SURF1: variants seen among roughly 807,000 people sequenced by gnomAD.
SURF1 encodes SURF1 cytochrome c oxidase assembly factor.
SURF1 carries 45 observed loss-of-function variants against 34.1 expected under a neutral mutation model. The ratio of observed to expected loss-of-function variants is 1.32; its 90% CI spans 1.04 to 1.69. The LOEUF is 1.69. Ranked by LOEUF, SURF1 falls within the 40% of genes most tolerant of loss-of-function variation. The pLI is 0.00. For synonymous variants in SURF1, 188 were observed against 147.5 expected (o/e 1.27, Z -1.99); for missense variants, 456 against 384.6 (o/e 1.19, Z -1.55).
chr9:133,352,279 T>A (rs1836440832), intron 7 of SURF1, 137 bp from the exon 8 acceptor site: 1 of 1,377,898 alleles, frequency 7.3e-7, no homozygotes, highest in Admixed American at 1.9e-5. Context: ...CCCGCCCTTG[T>A]CCGCTCAGTA....
intron 4 of SURF1, 35 bp downstream of exon 4, chr9:133,354,620 CAAGT>C (rs2130017442): frequency 6.2e-7 from 1 of 1,610,488 alleles, no homozygotes; most frequent in South Asian, 1.1e-5. Flanking sequence ...CTGTTGAACT[CAAGT>C]AAAACAGGCC....
intron 2 of SURF1, among the ~76,000 whole-genome samples, chr9:133,355,565 C>T (rs1836553032): frequency 6.6e-6 from 1 of 152,008 alleles, no homozygotes; most frequent in Admixed American, 6.6e-5. Flanking sequence ...GCAACAAGAG[C>T]GAAACTGTCT....
intron 4 of SURF1, chr9:133,354,337 C>T (rs1056956485): frequency 2.2e-5 from 11 of 496,396 alleles, no homozygotes; most frequent in East Asian, 1.9e-4. Flanking sequence ...ACCACCCTCA[C>T]GGTGAGACCT....
chr9:133,356,127 C>A, intron 2 of SURF1, 142 bp downstream of exon 2: 1 of 1,118,394 alleles, frequency 8.9e-7, no homozygotes, highest in South Asian at 1.3e-5. Context: ...CATTTTAATA[C>A]GGAACTTGTC....
At chr9:133,352,356 G>A (rs2130006287) in intron 7 of SURF1, 90 bp downstream of exon 7, 8 of 1,598,358 alleles carry the variant, frequency 5.0e-6, no homozygotes, top group Admixed American at 3.3e-5. Flanking sequence ...GAGAACATAA[G>A]CCACAGTAGT....
intron 2 of SURF1, 193 bp downstream of exon 2, chr9:133,356,076 C>A: frequency 1.3e-6 from 1 of 757,912 alleles, no homozygotes; most frequent in East Asian, 3.0e-5. Flanking sequence ...GGACAAAGCG[C>A]TCGCTACATG....
Position 133,351,995 on chromosome 9 carries a change from A to G in SURF1, c.834-13T>C, listed in dbSNP as rs139870012. The G allele has an allele frequency of 5.5e-4, 880 of 1,613,704 alleles. 5 individuals are homozygous for G. The African/African-American group carries it at 0.011, about 20-fold the overall frequency. ...AGAGAGTCCATACCTAGGGGTTGAA[A>G]GCAAGCCAGCATTAGCAGGCTGCTA... is the stretch of plus-strand genomic sequence containing the variant. On this transcript the variant is annotated splice_polypyrimidine_tract_variant and intron_variant, in intron 8 of 8. Coordinates refer to ENST00000371974, the MANE Select transcript of SURF1 (RefSeq NM_003172.4).
chr9:133,354,579 G>A (rs1364468442), intron 4 of SURF1, 80 bp downstream of exon 4: 1 of 1,552,838 alleles, frequency 6.4e-7, no homozygotes, highest in Non-Finnish European at 8.9e-7. Context: ...CACCAAAAGG[G>A]GCAAGCTGGC....
In SURF1 at chr9:133,356,250, C is replaced by G. The variant is rs2130024709; in HGVS notation, c.106+19G>C. 6.5e-7 allele frequency: 1 copy of G among 1,533,716 alleles called. No homozygotes were observed. Among genetic ancestry groups the G allele is most frequent in the Non-Finnish European group, 8.7e-7 (1 of 1,146,224 alleles). ...CTCTGCCCAGGCGCCTGGATCACAGCCCGGCCTGCAGCCCTCACCTGGGCG... is the reference window on the plus strand; with the variant it reads ...CTCTGCCCAGGCGCCTGGATCACAGGCCGGCCTGCAGCCCTCACCTGGGCG... On this transcript the variant is annotated intron_variant, in intron 2 of 8. Coordinates refer to ENST00000371974, the MANE Select transcript of SURF1 (RefSeq NM_003172.4).
At chr9:133,356,227 C>T in intron 2 of SURF1, 42 bp downstream of exon 2, 2 of 1,533,496 alleles carry the variant, frequency 1.3e-6, no homozygotes, top group Middle Eastern at 4.6e-4. Context: ...GCAGGTGGCT[C>T]TGCCCAGGCG....
Position 133,356,129 on chromosome 9 carries a change from G to C in SURF1, c.106+140C>G, listed in dbSNP as rs1232192843. On this transcript the variant is annotated intron_variant, in intron 2 of 8. Transcript: ENST00000371974. ...ATTCCACTGAAAGCATTTTAATACG[G>C]AACTTGTCACTCCCAGGGAGCCTCC... 4 of 1,136,440 alleles carry C rather than the reference G, an allele frequency of 3.5e-6. No individual in the cohort carries two copies. In the African/African-American group the frequency reaches 6.2e-5, roughly 18 times the overall value. The allele number at this position is 1,136,440 out of a possible 1,614,324, so 70.4% of individuals were successfully genotyped here.
At chr9:133,352,262 G>T in intron 7 of SURF1, 120 bp from the exon 8 acceptor site, 1 of 1,363,490 alleles carries the variant, frequency 7.3e-7, no homozygotes, top group South Asian at 1.2e-5. Context: ...TACGTTGGGT[G>T]ACCATCCCCG....
Position 133,353,870 on chromosome 9 carries a change from G to A in SURF1, c.394C>T (p.Leu132=). The change falls in exon 5 of 9, where the codon CTG becomes TTG. Residue 132 remains leucine (L), a synonymous_variant. Coordinates refer to ENST00000371974, the MANE Select transcript of SURF1 (RefSeq NM_003172.4). The part of the protein sequence containing the change: ...VRGCFDHSKE[L]YMMPRTMVDP... ...ACCATGGTCCGGGGCATCATATACA[G>A]CTCCTTGGAATGGTCAAAGCACCCC... 6.2e-7 allele frequency: 1 copy of A among 1,613,892 alleles called. No homozygotes were observed. Among genetic ancestry groups the A allele is most frequent in the South Asian group, 1.1e-5 (1 of 91,082 alleles).
At position 133,352,724 on chromosome 9, in the gene SURF1, T is replaced by C; in HGVS notation, c.558A>G (p.Lys186=). 6.2e-7 allele frequency: 1 copy of C among 1,613,270 alleles called. No individual in the cohort carries two copies. Among genetic ancestry groups the C allele is most frequent in the Non-Finnish European group, 8.5e-7 (1 of 1,179,808 alleles). The change falls in exon 6 of 9, where the codon AAA becomes AAG. Residue 186 remains lysine (K), a synonymous_variant. Transcript: ENST00000371974. The part of the protein sequence containing the change: ...LVNRGFVPRK[K]VNPETRQKGQ... ...CTTTCTGCCGGGTTTCAGGATTCACTTTCTTCCTGGGAACGAACCCTCTAT... is the reference window on the plus strand; with the variant it reads ...CTTTCTGCCGGGTTTCAGGATTCACCTTCTTCCTGGGAACGAACCCTCTAT...
Position 133,351,824 on chromosome 9 carries a change from A to G in SURF1, c.*89T>C, listed in dbSNP as rs887561610. On this transcript the variant is annotated 3_prime_UTR_variant, in exon 9 of 9. Coordinates refer to ENST00000371974, the MANE Select transcript of SURF1 (RefSeq NM_003172.4). Reference sequence around the variant, plus strand: ...ATGAGCTCATTTAAGGTAGAAGGCCAGAACTTTATACCAGTAGCACATGAT... The same window carrying G: ...ATGAGCTCATTTAAGGTAGAAGGCCGGAACTTTATACCAGTAGCACATGAT... 3 of 1,425,376 alleles carry G rather than the reference A, an allele frequency of 2.1e-6. No individual in the cohort carries two copies. Among genetic ancestry groups the G allele is most frequent in the Non-Finnish European group, 2.9e-6 (3 of 1,028,468 alleles). The allele number at this position is 1,425,376 out of a possible 1,614,324, so 88.3% of individuals were successfully genotyped here.
intron 2 of SURF1, 58 bp from the exon 3 acceptor site, chr9:133,355,015 C>G: frequency 1.2e-6 from 2 of 1,605,300 alleles, no homozygotes; most frequent in South Asian, 2.2e-5. Context: ...AGACCTGGAG[C>G]AGCCCGTTCC....
intron 4 of SURF1, 90 bp downstream of exon 4, chr9:133,354,569 C>G (rs1836516144): frequency 6.0e-6 from 9 of 1,507,474 alleles, no homozygotes. Context: ...CTAAAAGTCC[C>G]ACCAAAAGGG....
chr9:133,355,374 T>C (rs1302238957), intron 2 of SURF1, among the ~76,000 whole-genome samples: 1 of 150,840 alleles, frequency 6.6e-6, no homozygotes, highest in East Asian at 1.9e-4. Flanking sequence ...AGATCAGGAG[T>C]TCGAGACCAG....
In SURF1 at chr9:133,352,611, A is replaced by G. The variant is rs2130008442; in HGVS notation, c.589-3T>C. On this transcript the variant is annotated splice_polypyrimidine_tract_variant and splice_region_variant and intron_variant, in intron 6 of 8. Transcript: ENST00000371974. ...ATGAGGTCCACTTCTCCCTCAATCT[A>G]TAAAGGAAGGTGTGTGAGATTGCAT... 6.2e-6 allele frequency: 10 copies of G among 1,614,124 alleles called. No homozygotes were observed. Among genetic ancestry groups the G allele is most frequent in the Middle Eastern group, 1.7e-4 (1 of 6,058 alleles).
Sources: allele counts gnomAD v4.1 joint callset (sites outside exome capture counted in the v4.1 genomes callset), GRCh38; gene constraint gnomAD v4.1.1; transcripts MANE v1.5; gene names NCBI Gene and HGNC (gene_info 2026-07-23, HGNC 2026-07-21).